STAT4: variants seen among roughly 807,000 people sequenced by gnomAD.
STAT4 encodes signal transducer and activator of transcription 4.
A neutral mutation model predicts 110.5 loss-of-function variants in STAT4; 42 were observed. The ratio of observed to expected loss-of-function variants is 0.38; its 90% CI spans 0.30 to 0.49. The LOEUF is 0.49. Ranked by LOEUF, STAT4 falls within the 20% of genes least tolerant of loss-of-function variation. The probability of loss-of-function intolerance (pLI) is 0.95; values close to 1 mark genes in which losing one functional copy is unlikely to be tolerated. For synonymous variants in STAT4, 284 were observed against 302.2 expected, an observed-to-expected ratio of 0.94 and a Z score of 0.63; for missense variants, 632 against 887.9, an observed-to-expected ratio of 0.71 and a Z score of 3.66.
At chr2:191,114,159 T>C (rs1299453989) in intron 3 of STAT4, among the ~76,000 whole-genome samples, 1 of 152,190 alleles carries the variant, frequency 6.6e-6, no homozygotes, top group African/African-American at 2.4e-5. Context: ...AATGAAAAGC[T>C]CAATCCTTAA....
chr2:191,079,780 A>AT (rs1473706646), intron 3 of STAT4, among the ~76,000 whole-genome samples: 1 of 152,018 alleles, frequency 6.6e-6, no homozygotes, highest in Admixed American at 6.6e-5. Flanking sequence ...GAATAATTTA[A>AT]TTTTAATCAG....
chr2:191,095,339 C>T (rs1467632902), intron 3 of STAT4, among the ~76,000 whole-genome samples: 3 of 152,134 alleles, frequency 2.0e-5, no homozygotes, highest in African/African-American at 7.2e-5. Context: ...CGCACTTATT[C>T]CAAAATTGAC....
chr2:191,099,494 C>A lies in STAT4; in HGVS notation c.274-23169G>T, dbSNP rs933545200. Among the ~76,000 whole-genome samples the A allele has an allele frequency of 2.0e-5, 3 of 152,070 alleles. No individual in the cohort carries two copies. The highest frequency in any genetic ancestry group is 7.2e-5 in the African/African-American group (3 of 41,424). ...AGGGATGGTTCAATAAACTGTAACA[C>A]ATTTCCTACCATTAAAATGGAGGGA... On this transcript the variant is annotated intron_variant, in intron 3 of 23. Coordinates refer to ENST00000392320, the MANE Select transcript of STAT4 (RefSeq NM_003151.4). This position sits in a 1 kb window ranked among gnomAD's most constrained non-coding sequence, Gnocchi z 4.1.
chr2:191,144,050 GT>G lies in STAT4; in HGVS notation c.273+2562del, dbSNP rs1322595161. On this transcript the variant is annotated intron_variant, in intron 3 of 23. Transcript: ENST00000392320. The surrounding 1 kb of genome is among the most constrained non-coding windows in gnomAD (Gnocchi z 4.7). ...TATGGAAGCACAAGAAAGAGCAAGT[GT>G]TTTTTTCAACTCAAATATCTTAATT... is the stretch of plus-strand genomic sequence containing the variant. Among the ~76,000 whole-genome samples the G allele has an allele frequency of 6.6e-6, 1 of 152,020 alleles. No homozygotes were observed. Among genetic ancestry groups the G allele is most frequent in the East Asian group, 1.9e-4 (1 of 5,184 alleles).
chr2:191,036,964 C>T (rs1373623235), intron 16 of STAT4, among the ~76,000 whole-genome samples: 2 of 152,130 alleles, frequency 1.3e-5, no homozygotes, highest in African/African-American at 4.8e-5. Flanking sequence ...TAAAAGTCTC[C>T]TTGTTCTTTG....
intron 3 of STAT4, among the ~76,000 whole-genome samples, chr2:191,105,483 A>G (rs1698254320): frequency 6.6e-6 from 1 of 152,248 alleles, no homozygotes; most frequent in Admixed American, 6.5e-5. Flanking sequence ...TGAGTACATC[A>G]GATTATCTTA....
chr2:191,104,678 T>C lies in STAT4; in HGVS notation c.274-28353A>G, dbSNP rs531134882. 1.3e-5 allele frequency among the ~76,000 whole-genome samples: 2 copies of C among 152,290 alleles called. No individual in the cohort carries two copies. Among genetic ancestry groups the C allele is most frequent in the East Asian group, 3.9e-4 (2 of 5,188 alleles). ...ATAAAACATAAAACACTCCTCCCCA[T>C]ATGATTTGAAAGGATATATATTGTC... On this transcript the variant is annotated intron_variant, in intron 3 of 23. Coordinates refer to ENST00000392320, the MANE Select transcript of STAT4 (RefSeq NM_003151.4). This position sits in a 1 kb window ranked among gnomAD's most constrained non-coding sequence, Gnocchi z 4.3.
Position 191,150,571 on chromosome 2 carries a change from T to C in STAT4, c.-2+376A>G, listed in dbSNP as rs1398148763. Among the ~76,000 whole-genome samples, 1 of 152,192 alleles carries C rather than the reference T, an allele frequency of 6.6e-6. No homozygotes were observed. On this transcript the variant is annotated intron_variant, in intron 1 of 23. Coordinates refer to ENST00000392320, the MANE Select transcript of STAT4 (RefSeq NM_003151.4). This position sits in a 1 kb window ranked among gnomAD's most constrained non-coding sequence, Gnocchi z 6.4. ...CGGCTGCCGTAGCTGCAAGCTTTTT[T>C]CTGAAATCCAGGTACGCTAATCTAA...
chr2:191,098,288 A>T (rs1698061836), intron 3 of STAT4, among the ~76,000 whole-genome samples: 1 of 152,264 alleles, frequency 6.6e-6, no homozygotes, highest in African/African-American at 2.4e-5. Flanking sequence ...ATTATAAATC[A>T]TTCTACTATA....
rs13392436 is a variant in STAT4, at chr2:191,143,008, G to A, written c.273+3605C>T. On this transcript the variant is annotated intron_variant, in intron 3 of 23. Transcript: ENST00000392320. The surrounding 1 kb of genome is among the most constrained non-coding windows in gnomAD (Gnocchi z 5.6). Reference sequence around the variant, plus strand: ...AATAATAATGTATCAATATTATTTCGTCAACTGTCACAAATGTATGCTACC... The same window carrying A: ...AATAATAATGTATCAATATTATTTCATCAACTGTCACAAATGTATGCTACC... Among the ~76,000 whole-genome samples the A allele has an allele frequency of 0.011, 1,721 of 152,138 alleles. 30 individuals are homozygous for A. Among genetic ancestry groups the A allele is most frequent in the African/African-American group, 0.039 (1,636 of 41,512 alleles).
At chr2:191,052,055 T>A (rs964382800) in intron 14 of STAT4, among the ~76,000 whole-genome samples, 1 of 152,212 alleles carries the variant, frequency 6.6e-6, no homozygotes, top group African/African-American at 2.4e-5. Context: ...AGCAACTTTT[T>A]GAAACTTGAA....
At position 191,034,528 on chromosome 2, in the gene STAT4, G is replaced by T; in HGVS notation, c.1620+20C>A. The T allele has an allele frequency of 2.5e-6, 4 of 1,597,270 alleles. No homozygotes were observed. The highest frequency in any genetic ancestry group is 3.4e-6 in the Non-Finnish European group (4 of 1,165,316). On this transcript the variant is annotated intron_variant, in intron 18 of 23. Coordinates refer to ENST00000392320, the MANE Select transcript of STAT4 (RefSeq NM_003151.4). ...TATTAAAAAAATGTATCTAAATGAT[G>T]TTTCCCCGACCGTTTGTACCTTGCA...
chr2:191,084,992 G>C (rs73981264), intron 3 of STAT4, among the ~76,000 whole-genome samples: 10 of 150,500 alleles, frequency 6.6e-5, no homozygotes, highest in Non-Finnish European at 1.3e-4. Flanking sequence ...TTTTTCTCTC[G>C]AACAAGATTT....
At position 191,062,991 on chromosome 2, in the gene STAT4, T is replaced by C; in HGVS notation, c.783-71A>G. The C allele has an allele frequency of 8.0e-7, 1 of 1,246,186 alleles. No homozygotes were observed. The highest frequency in any genetic ancestry group is 1.1e-6 in the Non-Finnish European group (1 of 912,506). The allele number at this position is 1,246,186 out of a possible 1,614,324, so 77.2% of individuals were successfully genotyped here. On this transcript the variant is annotated intron_variant, in intron 8 of 23. Coordinates refer to ENST00000392320, the MANE Select transcript of STAT4 (RefSeq NM_003151.4). The surrounding 1 kb of genome is among the most constrained non-coding windows in gnomAD (Gnocchi z 4.9). ...AATAAAAAAGCATTGTAACAATGGG[T>C]CATAGTTAATAAACATTAAATTATT... is the stretch of plus-strand genomic sequence containing the variant.
Position 191,031,655 on chromosome 2 carries a change from G to A in STAT4, c.2045-139C>T, listed in dbSNP as rs538203328. ...CAGTTGTTCGGTGATACACAGAAATGTTTTGTTAAATAGGGGACACAATCT... is the reference window on the plus strand; with the variant it reads ...CAGTTGTTCGGTGATACACAGAAATATTTTGTTAAATAGGGGACACAATCT... On this transcript the variant is annotated intron_variant, in intron 21 of 23. Transcript: ENST00000392320. This position sits in a 1 kb window ranked among gnomAD's most constrained non-coding sequence, Gnocchi z 4.8. 7.5e-6 allele frequency: 5 copies of A among 669,124 alleles called. No homozygotes were observed. The Admixed American group carries it at 8.7e-5, about 12-fold the overall frequency. The allele number at this position is 669,124 out of a possible 1,614,324, so 41.4% of individuals were successfully genotyped here. A position where few individuals can be genotyped will look rare whatever the true frequency, so the allele number is the denominator to read the frequency against.
rs1477636387 is a variant in STAT4 at position 191,035,484 on chromosome 2, T to C, written c.1570+680A>G. On this transcript the variant is annotated intron_variant, in intron 17 of 23. Coordinates refer to ENST00000392320, the MANE Select transcript of STAT4 (RefSeq NM_003151.4). The surrounding 1 kb of genome is among the most constrained non-coding windows in gnomAD (Gnocchi z 4.7). ...ATTTAACTAGAAACGCATATAGATC[T>C]AATTTTAACTCTTTTTTTGGTGTTA... 6.6e-6 allele frequency among the ~76,000 whole-genome samples: 1 copy of C among 152,236 alleles called. No homozygotes were observed. Among genetic ancestry groups the C allele is most frequent in the African/African-American group, 2.4e-5 (1 of 41,462 alleles).
intron 6 of STAT4, chr2:191,068,173 A>T (rs1361928484): frequency 1.3e-5 from 2 of 152,202 alleles, no homozygotes; most frequent in African/African-American, 4.8e-5. Flanking sequence ...GATAAAAATG[A>T]TCATTTTAAT....
chr2:191,046,752 T>C lies in STAT4; in HGVS notation c.1252-5604A>G, dbSNP rs1421978932. Among the ~76,000 whole-genome samples, 1 of 152,230 alleles carries C rather than the reference T, an allele frequency of 6.6e-6. No individual in the cohort carries two copies. The highest frequency in any genetic ancestry group is 6.5e-5 in the Admixed American group (1 of 15,286). ...CTCCTAAGACCTTTCTAGATGGAGA[T>C]GCCAGGTGAGTCTTCTGTTCTAAAA... On this transcript the variant is annotated intron_variant, in intron 14 of 23. Coordinates refer to ENST00000392320, the MANE Select transcript of STAT4 (RefSeq NM_003151.4). The surrounding 1 kb of genome is among the most constrained non-coding windows in gnomAD (Gnocchi z 4.6).
In STAT4 at chr2:191,054,493, A is replaced by G; in HGVS notation, c.1248T>C (p.Asn416=). The change falls in exon 14 of 24, where the codon AAT becomes AAC. Residue 416 remains asparagine, a synonymous_variant. Coordinates refer to ENST00000392320, the MANE Select transcript of STAT4 (RefSeq NM_003151.4). ...TATAGGAGAAAACATTTCCTACCTC[A>G]TTTCCTTTACCTCCAGCACTGGACT... ...EMKSSAGGKG[N]EGCHMVTEEL... 1.2e-6 allele frequency: 2 copies of G among 1,611,086 alleles called. No homozygotes were observed. Among genetic ancestry groups the G allele is most frequent in the Non-Finnish European group, 1.7e-6 (2 of 1,179,192 alleles).
Sources: gnomAD v4.1 joint callset for allele counts (sites outside exome capture counted in the v4.1 genomes callset) on GRCh38, gnomAD v4.1.1 for gene constraint, Gnocchi (gnomAD v3.1) non-coding constraint, MANE v1.5 for transcripts, NCBI Gene and HGNC (gene_info 2026-07-23, HGNC 2026-07-21) for gene names.